Variants in ZNF718 observed in about 807,000 individuals in gnomAD.
The protein encoded by ZNF718 is zinc finger protein 718.
Under a neutral mutation model 2.6 loss-of-function variants are expected in ZNF718, and 3 were observed. The ratio of observed to expected loss-of-function variants is 1.16; its 90% CI spans 0.53 to 3.01. The LOEUF is 3.01. ZNF718 is among the 30% of genes most tolerant of loss of function. ZNF718 has a pLI of 0.03. For synonymous variants in ZNF718, 135 were observed against 77.9 expected (o/e 1.73, Z -3.86); for missense variants, 468 against 230.0 (o/e 2.03, Z -6.69).
chr4:130,758 T>C, intron 1 of ZNF718, 30 bp from the exon 2 acceptor site: 1 of 314,224 alleles, frequency 3.2e-6, no homozygotes. Context: ...AAAAAAAGAA[T>C]TCTGTCACTT....
At chr4:155,893 G>T (rs187837600) in intron 3 of ZNF718, among the ~76,000 whole-genome samples, 78 of 152,276 alleles carry the variant, frequency 5.1e-4, no homozygotes, top group African/African-American at 1.8e-3. Flanking sequence ...ATTCCCATGT[G>T]TTGTGGGAGG....
At chr4:192,547 C>A (rs184569242) in intron 3 of ZNF718, among the ~76,000 whole-genome samples, 35 of 152,230 alleles carry the variant, frequency 2.3e-4, no homozygotes, top group Admixed American at 6.5e-4. Flanking sequence ...GTCTCTCAGT[C>A]CCCCCTCTCA....
intron 3 of ZNF718, among the ~76,000 whole-genome samples, chr4:180,961 CTT>C (rs1296773536): frequency 1.3e-5 from 2 of 151,996 alleles, no homozygotes; most frequent in African/African-American, 4.8e-5. Context: ...AATATTTTGT[CTT>C]TTGTATTCAT....
rs1716945146 is a variant in ZNF718, at chr4:162,617, A to T, written c.*495A>T. 2 of 152,902 alleles carry T rather than the reference A, an allele frequency of 1.3e-5. No homozygotes were observed. The highest frequency in any genetic ancestry group is 4.8e-5 in the African/African-American group (2 of 41,468). 9.5% of individuals were successfully genotyped at this position (152,902 alleles called of 1,614,324 possible). A position where few individuals can be genotyped will look rare whatever the true frequency, so the allele number is the denominator to read the frequency against. ...CTGAAGATAGACAATAGAAATAGTA[A>T]GAGGGTTGTAGTACCTGTACTTGCA... On this transcript the variant is annotated 3_prime_UTR_variant, in exon 4 of 4. Coordinates refer to ENST00000510175, the MANE Select transcript of ZNF718 (RefSeq NM_001039127.6).
chr4:142,189 G>T, intron 3 of ZNF718: 1 of 364,188 alleles, frequency 2.7e-6, no homozygotes, highest in Non-Finnish European at 5.6e-6. Context: ...CAAGAAGATG[G>T]CATCCTTGAT....
At chr4:152,487 G>A (rs1159939556) in intron 3 of ZNF718, among the ~76,000 whole-genome samples, 1 of 147,270 alleles carries the variant, frequency 6.8e-6, no homozygotes. Flanking sequence ...CTGCCTTCAA[G>A]CATCTGTTTA....
At chr4:194,344 T>C (rs782073960) in intron 3 of ZNF718, among the ~76,000 whole-genome samples, 28 of 152,202 alleles carry the variant, frequency 1.8e-4, no homozygotes, top group Non-Finnish European at 3.4e-4. Flanking sequence ...GTGGACATCA[T>C]TGAATAATTT....
intron 3 of ZNF718, among the ~76,000 whole-genome samples, chr4:170,513 A>G (rs1717200809): frequency 6.6e-6 from 1 of 152,080 alleles, no homozygotes; most frequent in Admixed American, 6.5e-5. Context: ...GTCTTTTCAC[A>G]TAGTCCCATA....
At chr4:188,191 A>G (rs782277894) in intron 3 of ZNF718, among the ~76,000 whole-genome samples, 4 of 152,172 alleles carry the variant, frequency 2.6e-5, no homozygotes, top group African/African-American at 4.8e-5. Flanking sequence ...TTCATAGAAT[A>G]TGGGTGGGGC....
At chr4:159,040 CT>C (rs201288037) in intron 3 of ZNF718, among the ~76,000 whole-genome samples, 361 of 136,292 alleles carry the variant, frequency 2.6e-3, no homozygotes, top group East Asian at 7.3e-3. Flanking sequence ...TTTCTTTTTT[CT>C]TTTTTTTTTT....
intron 3 of ZNF718, among the ~76,000 whole-genome samples, chr4:144,251 T>C (rs1450573539): frequency 2.6e-5 from 4 of 152,226 alleles, no homozygotes; most frequent in African/African-American, 9.7e-5. Flanking sequence ...TTGTGTATTT[T>C]GTCCAATTCT....
At chr4:148,275 G>A (rs930974757) in intron 3 of ZNF718, among the ~76,000 whole-genome samples, 2 of 152,070 alleles carry the variant, frequency 1.3e-5, no homozygotes, top group Admixed American at 1.3e-4. Flanking sequence ...CTGGACTTTG[G>A]TTGCATGGAC....
intron 3 of ZNF718, chr4:200,990 A>G (rs1337043620): frequency 2.0e-5 from 3 of 152,378 alleles, no homozygotes; most frequent in Non-Finnish European, 1.5e-5. Flanking sequence ...ACGCAGATAC[A>G]TTAAAGGCTG....
intron 3 of ZNF718, among the ~76,000 whole-genome samples, chr4:146,029 T>C (rs1716039811): frequency 6.6e-6 from 1 of 151,620 alleles, no homozygotes; most frequent in East Asian, 1.9e-4. Context: ...TTGTAACTTA[T>C]ATCAGAGTTA....
intron 3 of ZNF718, among the ~76,000 whole-genome samples, chr4:145,359 T>C (rs1471425534): frequency 6.6e-6 from 1 of 152,226 alleles, no homozygotes; most frequent in African/African-American, 2.4e-5. Context: ...TTTTCTTATA[T>C]GCTTTGATTC....
intron 3 of ZNF718, among the ~76,000 whole-genome samples, chr4:200,619 A>C (rs1171596072): frequency 6.6e-6 from 1 of 152,096 alleles, no homozygotes; most frequent in Non-Finnish European, 1.5e-5. Flanking sequence ...CTAGTACAAT[A>C]CCAGAAAAAA....
intron 3 of ZNF718, among the ~76,000 whole-genome samples, chr4:150,861 C>T (rs1346850465): frequency 3.3e-5 from 5 of 151,754 alleles, no homozygotes; most frequent in Non-Finnish European, 5.9e-5. Flanking sequence ...AAAAATAGAA[C>T]TAACATATGA....
At chr4:166,616 T>C (rs1308559226), downstream of ZNF718, among the ~76,000 whole-genome samples, 2 of 152,244 alleles carry the variant, frequency 1.3e-5, no homozygotes, top group Non-Finnish European at 2.9e-5. Context: ...ATGAGCATTT[T>C]TTCATGTGTC....
At chr4:137,169 G>A (rs185367086) in intron 3 of ZNF718, among the ~76,000 whole-genome samples, 2 of 151,938 alleles carry the variant, frequency 1.3e-5, no homozygotes, top group East Asian at 3.9e-4. Context: ...GCTTTTTGAG[G>A]CCTCTCTAGA....
Sources: allele counts gnomAD v4.1 joint callset (sites outside exome capture counted in the v4.1 genomes callset), GRCh38; gene constraint gnomAD v4.1.1; transcripts MANE v1.5; gene names NCBI Gene and HGNC (gene_info 2026-07-23, HGNC 2026-07-21).